Variants in RIC1 observed in about 807,000 individuals in gnomAD.
The protein encoded by RIC1 is guanine nucleotide exchange factor subunit RIC1.
Under a neutral mutation model 169.0 loss-of-function variants are expected in RIC1, and 88 were observed. The ratio of observed to expected loss-of-function variants is 0.52; its 90% CI spans 0.44 to 0.62. The LOEUF is 0.62. RIC1 is among the 20% of genes least tolerant of loss of function. RIC1 has a pLI of 0.00. For missense variants in RIC1, 1,877 were observed against 1,725.5 expected, an observed-to-expected ratio of 1.09 and a Z score of -1.56; for synonymous variants, 790 against 601.5, an observed-to-expected ratio of 1.31 and a Z score of -4.59.
rs1165140559 is a variant in RIC1 at position 5,689,223 on chromosome 9, G to T, written c.253-736G>T. On this transcript the variant is annotated intron_variant, in intron 2 of 25. Coordinates refer to ENST00000414202, the MANE Select transcript of RIC1 (RefSeq NM_020829.4). ...GCCACCACGCCCGGCTAATTTTTTTGTATTTTTTTAGTAGAGACAGGGTTT... is the reference window on the plus strand; with the variant it reads ...GCCACCACGCCCGGCTAATTTTTTTTTATTTTTTTAGTAGAGACAGGGTTT... 2.0e-5 allele frequency among the ~76,000 whole-genome samples: 3 copies of T among 150,928 alleles called. 1 individual carries two copies. Among genetic ancestry groups the T allele is most frequent in the Admixed American group, 2.0e-4 (3 of 15,174 alleles).
At chr9:5,669,535 T>C (rs1047634305) in intron 2 of RIC1, among the ~76,000 whole-genome samples, 14 of 152,234 alleles carry the variant, frequency 9.2e-5, no homozygotes, top group Admixed American at 1.3e-4. Context: ...CACTTGTTGA[T>C]TGATGGGCAT....
chr9:5,683,050 T>C (rs1431105158), intron 2 of RIC1, among the ~76,000 whole-genome samples: 1 of 152,216 alleles, frequency 6.6e-6, no homozygotes, highest in Non-Finnish European at 1.5e-5. Flanking sequence ...TTGGTTATTC[T>C]AGTTAGCCAT....
At chr9:5,644,511 A>G (rs1586870506) in intron 1 of RIC1, among the ~76,000 whole-genome samples, 1 of 152,226 alleles carries the variant, frequency 6.6e-6, no homozygotes, top group South Asian at 2.1e-4. Flanking sequence ...TGTACACATA[A>G]GTAACTTCTT....
At chr9:5,734,834 G>C (rs781644378) in intron 7 of RIC1, among the ~76,000 whole-genome samples, 2 of 152,076 alleles carry the variant, frequency 1.3e-5, no homozygotes, top group Non-Finnish European at 2.9e-5. Context: ...TCTGAATATA[G>C]CATAATTTAT....
chr9:5,762,812 G>A (rs1219994673), intron 18 of RIC1, 152 bp downstream of exon 18: 10 of 1,006,696 alleles, frequency 9.9e-6, no homozygotes, highest in Non-Finnish European at 1.3e-5. Context: ...GTGTAAGACT[G>A]ACTGACTGGA....
At chr9:5,740,069 C>T (rs1448630665) in intron 8 of RIC1, among the ~76,000 whole-genome samples, 2 of 152,106 alleles carry the variant, frequency 1.3e-5, no homozygotes, top group Non-Finnish European at 1.5e-5. Flanking sequence ...AGATGGAATC[C>T]CTGAGTTCAT....
chr9:5,698,075 A>G (rs955005752), intron 3 of RIC1, among the ~76,000 whole-genome samples: 1 of 152,144 alleles, frequency 6.6e-6, no homozygotes, highest in Non-Finnish European at 1.5e-5. Context: ...CTGTTCCCCC[A>G]CACCCCAAAT....
chr9:5,656,010 C>T (rs147918481), intron 1 of RIC1, among the ~76,000 whole-genome samples: 1,720 of 152,034 alleles, frequency 0.011, 47 homozygotes, highest in African/African-American at 0.039. Flanking sequence ...GCTGGGACTA[C>T]AGGCGCCTGC....
intron 19 of RIC1, among the ~76,000 whole-genome samples, chr9:5,764,640 C>T (rs565608829): frequency 1.3e-5 from 2 of 152,234 alleles, no homozygotes; most frequent in South Asian, 2.1e-4. Context: ...GAACTGAAAC[C>T]AGAGGAGACA....
At chr9:5,667,566 A>C (rs755228705) in intron 2 of RIC1, among the ~76,000 whole-genome samples, 3 of 146,094 alleles carry the variant, frequency 2.1e-5, no homozygotes, top group East Asian at 2.0e-4. Flanking sequence ...ATGCAGTGGC[A>C]TGATCATAGC....
At position 5,694,796 on chromosome 9, in the gene RIC1, C is replaced by CTT. The variant is rs35762013; in HGVS notation, c.332+4769_332+4770dup. The stretch of plus-strand genomic sequence containing the variant: ...GATAAGCAGTTTTGGTTTTTGGTGG[C>CTT]TTTTTTTTTTTTGGTTCTATGAAAA... On this transcript the variant is annotated intron_variant, in intron 3 of 25. Transcript: ENST00000414202. 5.4e-3 allele frequency among the ~76,000 whole-genome samples: 777 copies of CTT among 143,552 alleles called. 5 individuals are homozygous for CTT. The highest frequency in any genetic ancestry group is 0.015 in the African/African-American group (593 of 38,946). The allele number at this position is 143,552 out of a possible 152,430, so 94.2% of individuals were successfully genotyped here.
chr9:5,711,796 A>C (rs948233713), intron 3 of RIC1, among the ~76,000 whole-genome samples: 1 of 152,040 alleles, frequency 6.6e-6, no homozygotes, highest in East Asian at 1.9e-4. Context: ...TCATTGTTCA[A>C]TTCCCACCTA....
chr9:5,704,215 CTT>C (rs200354725), intron 3 of RIC1, among the ~76,000 whole-genome samples: 37 of 145,396 alleles, frequency 2.5e-4, no homozygotes, highest in African/African-American at 7.8e-4. Flanking sequence ...TTCCCACTGT[CTT>C]TTTTTTTTTT....
At chr9:5,666,063 C>G (rs1819737081) in intron 2 of RIC1, among the ~76,000 whole-genome samples, 1 of 152,146 alleles carries the variant, frequency 6.6e-6, no homozygotes, top group Admixed American at 6.5e-5. Context: ...CAGCCTACCC[C>G]ACCACTCAGG....
Position 5,738,484 on chromosome 9 carries a change from AC to A in RIC1, c.848del (p.Thr283MetfsTer10). ...SVQVYTIDNSTGAMLLSHKLE... is the reference protein window; with the variant it reads ...SVQVYTIDNSXGAMLLSHKLE... ...GCAGGTCTATACAATAGATAACAGC[AC>A]TGGAGCCATGCTGCTATCTCATAAA... On this transcript the variant is annotated frameshift_variant, in exon 8 of 26. Transcript: ENST00000414202. LOFTEE classifies it high-confidence loss of function. 1 of 1,606,046 alleles carries A rather than the reference AC, an allele frequency of 6.2e-7. No individual in the cohort carries two copies. Among genetic ancestry groups the A allele is most frequent in the African/African-American group, 1.3e-5 (1 of 74,144 alleles).
chr9:5,630,196 T>C (rs1411349421), intron 1 of RIC1, among the ~76,000 whole-genome samples: 2 of 152,226 alleles, frequency 1.3e-5, no homozygotes, highest in African/African-American at 4.8e-5. Flanking sequence ...GTCCTGGTTA[T>C]CTTTTTCTTT....
At chr9:5,691,691 A>G (rs573450546) in intron 3 of RIC1, among the ~76,000 whole-genome samples, 1 of 152,082 alleles carries the variant, frequency 6.6e-6, no homozygotes, top group Non-Finnish European at 1.5e-5. Context: ...AATGACTAAA[A>G]TTAGATTTAC....
chr9:5,665,095 C>T (rs775895403), intron 2 of RIC1, among the ~76,000 whole-genome samples: 1 of 150,926 alleles, frequency 6.6e-6, no homozygotes. Flanking sequence ...CTGGGTGTTC[C>T]TACATTGGGA....
At chr9:5,674,482 G>T (rs1321248539) in intron 2 of RIC1, among the ~76,000 whole-genome samples, 1 of 151,996 alleles carries the variant, frequency 6.6e-6, no homozygotes, top group Non-Finnish European at 1.5e-5. Flanking sequence ...TAAGACGGTG[G>T]TGAAAGGATA....
Sources: allele counts gnomAD v4.1 joint callset (sites outside exome capture counted in the v4.1 genomes callset), GRCh38; gene constraint gnomAD v4.1.1; transcripts MANE v1.5; gene names NCBI Gene and HGNC (gene_info 2026-07-23, HGNC 2026-07-21).